The following XPR1 variants were observed in gnomAD, a reference collection of about 807,000 sequenced individuals.
XPR1 encodes xenotropic and polytropic retrovirus receptor 1.
In XPR1, 28 loss-of-function variants were observed where a neutral mutation model predicts 87.5. The observed-to-expected ratio is 0.32, with a 90% CI of 0.24 to 0.44. The LOEUF (loss-of-function observed/expected upper bound fraction) is 0.44, where lower values mean the gene tolerates loss of function less well. Among genes scored for constraint, XPR1 ranks in the 20% least tolerant of loss-of-function variants. XPR1 has a pLI of 1.00. For synonymous variants in XPR1, 300 were observed against 306.1 expected, an observed-to-expected ratio of 0.98 and a Z score of 0.21; for missense variants, 559 against 862.3, an observed-to-expected ratio of 0.65 and a Z score of 4.41.
At chr1:180,812,738 T>C (rs1047540356) in intron 7 of XPR1, among the ~76,000 whole-genome samples, 7 of 151,018 alleles carry the variant, frequency 4.6e-5, no homozygotes, top group African/African-American at 1.7e-4. Flanking sequence ...AACCTCTGCC[T>C]CCTGGGTTCA....
At chr1:180,636,923 A>T (rs1211958333) in intron 1 of XPR1, among the ~76,000 whole-genome samples, 1 of 151,992 alleles carries the variant, frequency 6.6e-6, no homozygotes, top group Non-Finnish European at 1.5e-5. Context: ...GTGGTGGTGC[A>T]TGCCTGTAGT....
At chr1:180,786,124 T>A (rs1649131078) in intron 2 of XPR1, among the ~76,000 whole-genome samples, 1 of 152,048 alleles carries the variant, frequency 6.6e-6, no homozygotes, top group African/African-American at 2.4e-5. Flanking sequence ...CATTATCTGA[T>A]CAGGTCTAAA....
At chr1:180,848,107 T>C (rs1651748541) in intron 11 of XPR1, among the ~76,000 whole-genome samples, 1 of 152,180 alleles carries the variant, frequency 6.6e-6, no homozygotes, top group Admixed American at 6.5e-5. Flanking sequence ...ATAGTGATGT[T>C]CTGTATATGT....
intron 2 of XPR1, among the ~76,000 whole-genome samples, chr1:180,773,343 G>A (rs1335312435): frequency 6.6e-6 from 1 of 152,190 alleles, no homozygotes; most frequent in African/African-American, 2.4e-5. Flanking sequence ...GCTCAGGATA[G>A]CTATATAGGT....
chr1:180,680,183 C>T (rs1350938911), intron 1 of XPR1, among the ~76,000 whole-genome samples: 1 of 151,816 alleles, frequency 6.6e-6, no homozygotes. Context: ...TATCATCTCA[C>T]CCCAGTTAGG....
At chr1:180,862,569 T>C (rs569823541) in intron 11 of XPR1, among the ~76,000 whole-genome samples, 2 of 152,302 alleles carry the variant, frequency 1.3e-5, no homozygotes, top group Admixed American at 6.5e-5. Context: ...GGTGCTCTCA[T>C]AGCCCTTTGT....
At chr1:180,876,154 C>G (rs1408752583) in intron 13 of XPR1, among the ~76,000 whole-genome samples, 1 of 152,100 alleles carries the variant, frequency 6.6e-6, no homozygotes, top group Non-Finnish European at 1.5e-5. Flanking sequence ...GAAACACTTT[C>G]TAGTTTGTTC....
intron 2 of XPR1, among the ~76,000 whole-genome samples, chr1:180,781,993 G>A (rs1006172911): frequency 6.6e-6 from 1 of 151,950 alleles, no homozygotes; most frequent in African/African-American, 2.4e-5. Flanking sequence ...GACAATTATA[G>A]AGATGACAAA....
At position 180,850,823 on chromosome 1, in the gene XPR1, G is replaced by A. The variant is rs1033921463; in HGVS notation, c.1502-12885G>A. 5.3e-5 allele frequency among the ~76,000 whole-genome samples: 8 copies of A among 152,024 alleles called. No individual in the cohort carries two copies. The East Asian group carries it at 5.8e-4, about 11-fold the overall frequency. On this transcript the variant is annotated intron_variant, in intron 11 of 14. Coordinates refer to ENST00000367590, the MANE Select transcript of XPR1 (RefSeq NM_004736.4). Reference sequence around the variant, plus strand: ...ATTATTTTTTAATTAGGCAAGTGTCGTGGTACACACCTGTATTTCTAGCTA... The same window carrying A: ...ATTATTTTTTAATTAGGCAAGTGTCATGGTACACACCTGTATTTCTAGCTA...
chr1:180,824,513 G>A (rs1246288831), intron 7 of XPR1, among the ~76,000 whole-genome samples: 2 of 152,008 alleles, frequency 1.3e-5, no homozygotes, highest in Admixed American at 6.5e-5. Flanking sequence ...CCAGGGAGTC[G>A]GAGGTTGCAG....
At chr1:180,803,872 G>A (rs1649884431) in intron 4 of XPR1, among the ~76,000 whole-genome samples, 1 of 152,060 alleles carries the variant, frequency 6.6e-6, no homozygotes, top group South Asian at 2.1e-4. Context: ...CACAACTCAA[G>A]GACTAACAGT....
chr1:180,866,158 G>C (rs1405434702), intron 12 of XPR1, among the ~76,000 whole-genome samples: 3 of 152,100 alleles, frequency 2.0e-5, no homozygotes, highest in African/African-American at 4.8e-5. Context: ...ACTGCAGTGG[G>C]CTATGTTCAT....
intron 1 of XPR1, among the ~76,000 whole-genome samples, chr1:180,652,796 C>A (rs1655339467): frequency 6.6e-6 from 1 of 152,174 alleles, no homozygotes; most frequent in African/African-American, 2.4e-5. Context: ...CAGATTACCT[C>A]AAAACTTAGT....
intron 1 of XPR1, among the ~76,000 whole-genome samples, chr1:180,680,171 G>C (rs146337201): frequency 1.2e-4 from 18 of 151,720 alleles, no homozygotes; most frequent in African/African-American, 4.4e-4. Context: ...ACCACAGTGA[G>C]GTATCATCTC....
intron 1 of XPR1, among the ~76,000 whole-genome samples, chr1:180,654,883 A>T (rs1329501317): frequency 6.6e-6 from 1 of 152,216 alleles, no homozygotes; most frequent in African/African-American, 2.4e-5. Flanking sequence ...CTATTTGAAC[A>T]CAAGTGTACA....
rs1023924982 is a variant in XPR1 at position 180,840,639 on chromosome 1, A to G, written c.1501+3923A>G. Among the ~76,000 whole-genome samples, 5 of 151,198 alleles carry G rather than the reference A, an allele frequency of 3.3e-5. No homozygotes were observed. The South Asian group carries it at 1.0e-3, about 32-fold the overall frequency. The stretch of plus-strand genomic sequence containing the variant: ...CAGTAAAAGTTTTTTAAAAACCAGA[A>G]ACAAAAATATTTTTTAGATGGACCG... On this transcript the variant is annotated intron_variant, in intron 11 of 14. Transcript: ENST00000367590.
chr1:180,877,474 AT>A, intron 13 of XPR1, among the ~76,000 whole-genome samples: 1 of 152,338 alleles, frequency 6.6e-6, no homozygotes, highest in Middle Eastern at 3.4e-3. Flanking sequence ...CTGGATATCC[AT>A]ATGGAAAAAA....
intron 2 of XPR1, among the ~76,000 whole-genome samples, chr1:180,778,184 A>G (rs1329479821): frequency 6.6e-6 from 1 of 151,858 alleles, no homozygotes; most frequent in Non-Finnish European, 1.5e-5. Context: ...GGGTCTCCCT[A>G]AGTTGTCCAG....
intron 2 of XPR1, among the ~76,000 whole-genome samples, chr1:180,689,486 C>A (rs1002719454): frequency 4.0e-5 from 6 of 151,892 alleles, no homozygotes; most frequent in African/African-American, 1.5e-4. Flanking sequence ...TTTTATTACT[C>A]CATATAGTTC....
Sources: allele counts gnomAD v4.1 joint callset (sites outside exome capture counted in the v4.1 genomes callset), GRCh38; gene constraint gnomAD v4.1.1; transcripts MANE v1.5; gene names NCBI Gene and HGNC (gene_info 2026-07-23, HGNC 2026-07-21).